The following DYDC1 variants were observed in gnomAD, a reference collection of about 807,000 sequenced individuals.
DYDC1 encodes DPY30 domain containing 1, also known as DPY30 domain-containing protein 1.
In DYDC1, 21 loss-of-function variants were observed where a neutral mutation model predicts 27.9. The ratio of observed to expected loss-of-function variants is 0.75; its 90% CI spans 0.53 to 1.08. DYDC1 has a LOEUF of 1.08. Ranked by LOEUF, DYDC1 falls within the 50% of genes least tolerant of loss-of-function variation. The pLI is 0.00. For missense variants in DYDC1, 202 were observed against 205.9 expected (o/e 0.98, Z 0.12); for synonymous variants, 67 against 65.8 (o/e 1.02, Z -0.09).
At chr10:80,337,098 A>G (rs2132734961) in intron 6 of DYDC1, 1 of 983,420 alleles carries the variant, frequency 1.0e-6, no homozygotes, top group Admixed American at 6.1e-5. Flanking sequence ...TTAGCCATTA[A>G]TACTGGATGA....
At chr10:80,338,912 C>T (rs1268320726) in intron 5 of DYDC1, among the ~76,000 whole-genome samples, 185 bp downstream of exon 5, 1 of 152,114 alleles carries the variant, frequency 6.6e-6, no homozygotes, top group Non-Finnish European at 1.5e-5. Context: ...CCAATTTTTA[C>T]CTATTGTGAG....
chr10:80,349,001 T>C (rs1033593670), intron 3 of DYDC1, among the ~76,000 whole-genome samples: 1 of 152,012 alleles, frequency 6.6e-6, no homozygotes, highest in African/African-American at 2.4e-5. Context: ...GCGCCATTCT[T>C]CCCCCTCAGT....
chr10:80,346,762 G>C (rs1015074618), intron 3 of DYDC1, among the ~76,000 whole-genome samples: 1 of 151,888 alleles, frequency 6.6e-6, no homozygotes, highest in Admixed American at 6.6e-5. Context: ...CCCCGGCCAT[G>C]TCTCTTCCCT....
chr10:80,356,749 T>C lies in DYDC1; in HGVS notation c.-47A>G. 3 of 985,198 alleles carry C rather than the reference T, an allele frequency of 3.0e-6. No homozygotes were observed. The highest frequency in any genetic ancestry group is 3.6e-6 in the Non-Finnish European group (3 of 829,912). The allele number at this position is 985,198 out of a possible 1,614,324, so 61.0% of individuals were successfully genotyped here. On this transcript the variant is annotated 5_prime_UTR_variant, in exon 1 of 7. Transcript: ENST00000372202. ...GCCTGCTCGCCACCCAGGAGCGGCG[T>C]CCCGTTGCCAGGCAACGAGAGCTCG...
In DYDC1 at chr10:80,338,786, A is replaced by G. The variant is rs1377716244; in HGVS notation, c.400-215T>C. Among the ~76,000 whole-genome samples the G allele has an allele frequency of 2.0e-5, 3 of 152,192 alleles. No individual in the cohort carries two copies. The South Asian group carries it at 6.2e-4, about 32-fold the overall frequency. On this transcript the variant is annotated intron_variant, in intron 5 of 6. Transcript: ENST00000372202. The stretch of plus-strand genomic sequence containing the variant: ...CTACAATTCTGGTAATAAATACTAG[A>G]ACTTTTTTTAAAAATACCTGCAGAA...
At chr10:80,338,963 G>A (rs1212837709) in intron 5 of DYDC1, 134 bp downstream of exon 5, 5 of 501,568 alleles carry the variant, frequency 1.0e-5, no homozygotes, top group Non-Finnish European at 1.7e-5. Flanking sequence ...TGTTATCACC[G>A]GAAAATATAC....
intron 1 of DYDC1, among the ~76,000 whole-genome samples, chr10:80,355,096 GAA>G (rs79869965): frequency 7.0e-6 from 1 of 142,548 alleles, no homozygotes. Flanking sequence ...TACATTTACT[GAA>G]AAAAAAAAAC....
intron 4 of DYDC1, among the ~76,000 whole-genome samples, chr10:80,341,972 C>T (rs7914156): frequency 0.76 from 113,952 of 150,664 alleles, 44,088 homozygotes; most frequent in East Asian, 0.97. Flanking sequence ...TGCAGTGAAC[C>T]GAGATTGTGC....
chr10:80,356,718 A>T lies in DYDC1; in HGVS notation c.-16T>A, dbSNP rs1398745043. 2.0e-6 allele frequency: 2 copies of T among 984,696 alleles called. No individual in the cohort carries two copies. The highest frequency in any genetic ancestry group is 2.4e-6 in the Non-Finnish European group (2 of 829,380). 61.0% of individuals were successfully genotyped at this position (984,696 alleles called of 1,614,324 possible). ...GCCTTTCCGGTGCGCTCACCCCTAC[A>T]CACGCGCCTGCTCGCCACCCAGGAG... On this transcript the variant is annotated 5_prime_UTR_variant, in exon 1 of 7. Coordinates refer to ENST00000372202, the MANE Select transcript of DYDC1 (RefSeq NM_001269053.2).
intron 6 of DYDC1, chr10:80,338,040 G>T (rs543845382): frequency 1.0e-6 from 1 of 975,470 alleles, no homozygotes; most frequent in Non-Finnish European, 1.2e-6. Context: ...CAGGCACAGT[G>T]CCTGGCATAT....
intron 3 of DYDC1, among the ~76,000 whole-genome samples, chr10:80,350,060 C>A (rs1015485321): frequency 6.6e-6 from 1 of 152,104 alleles, no homozygotes; most frequent in African/African-American, 2.4e-5. Flanking sequence ...TTTTCTTCAT[C>A]TCAGCCACAC....
At chr10:80,354,955 G>A (rs2132857685) in intron 1 of DYDC1, among the ~76,000 whole-genome samples, 1 of 152,008 alleles carries the variant, frequency 6.6e-6, no homozygotes, top group East Asian at 1.9e-4. Flanking sequence ...GAGAAAGGAA[G>A]ATAAATATTT....
chr10:80,353,583 G>C (rs975812757), intron 1 of DYDC1, among the ~76,000 whole-genome samples: 6 of 151,276 alleles, frequency 4.0e-5, no homozygotes, highest in African/African-American at 1.5e-4. Flanking sequence ...TGGGCACAGT[G>C]GCTCACGCCT....
Position 80,338,544 on chromosome 10 carries a change from G to A in DYDC1, c.427C>T (p.Leu143=), listed in dbSNP as rs1401161846. The A allele has an allele frequency of 6.2e-7, 1 of 1,608,266 alleles. No homozygotes were observed. Among genetic ancestry groups the A allele is most frequent in the South Asian group, 1.1e-5 (1 of 89,768 alleles). Residue 143 remains leucine, a synonymous_variant, in exon 6 of 7, where the codon CTA becomes TTA. Coordinates refer to ENST00000372202, the MANE Select transcript of DYDC1 (RefSeq NM_001269053.2). The part of the protein sequence containing the change: ...EEATLDSGKT[L]AEISDRYGAP... Reference sequence around the variant, plus strand: ...CCATAACGATCGCTGATTTCAGCTAGTGTTTTGCCTGAGTCTAGTGTTGCT... The same window carrying A: ...CCATAACGATCGCTGATTTCAGCTAATGTTTTGCCTGAGTCTAGTGTTGCT...
intron 1 of DYDC1, chr10:80,356,323 G>T: frequency 2.0e-6 from 2 of 985,622 alleles, no homozygotes; most frequent in Non-Finnish European, 2.4e-6. Context: ...CGTGAAGAAG[G>T]TGCCACAGAG....
chr10:80,342,206 TA>T, intron 4 of DYDC1, 62 bp downstream of exon 4: 2 of 1,519,732 alleles, frequency 1.3e-6, no homozygotes, highest in Non-Finnish European at 9.1e-7. Flanking sequence ...ACAGCTGAAA[TA>T]AACAGTTTGA....
chr10:80,342,224 TAG>T, intron 4 of DYDC1, 43 bp downstream of exon 4: 1 of 1,575,968 alleles, frequency 6.3e-7, no homozygotes, highest in Non-Finnish European at 8.7e-7. Flanking sequence ...TTGAAGATTC[TAG>T]AGAGTTTTAA....
chr10:80,347,934 AG>A (rs1339845971), intron 3 of DYDC1, among the ~76,000 whole-genome samples: 3 of 152,130 alleles, frequency 2.0e-5, no homozygotes, highest in Non-Finnish European at 4.4e-5. Flanking sequence ...TTGGCTATTC[AG>A]GGTCTTTTGT....
chr10:80,342,083 C>T (rs1842346054), intron 4 of DYDC1, among the ~76,000 whole-genome samples, 186 bp downstream of exon 4: 1 of 151,234 alleles, frequency 6.6e-6, no homozygotes, highest in Admixed American at 6.6e-5. Context: ...ATACTGCTAG[C>T]TCTAGTTTTG....
Sources: allele counts gnomAD v4.1 joint callset (sites outside exome capture counted in the v4.1 genomes callset), GRCh38; gene constraint gnomAD v4.1.1; transcripts MANE v1.5; gene names NCBI Gene and HGNC (gene_info 2026-07-23, HGNC 2026-07-21).